Variants in DENND1A observed in about 807,000 individuals in gnomAD.
DENND1A encodes DENN domain containing 1A.
In DENND1A, 51 loss-of-function variants were observed where a neutral mutation model predicts 113.7. The ratio of observed to expected loss-of-function variants is 0.45; its 90% CI spans 0.36 to 0.57. The LOEUF is 0.57. Among genes scored for constraint, DENND1A ranks in the 20% least tolerant of loss-of-function variants. DENND1A has a pLI of 0.00. For synonymous variants in DENND1A, 565 were observed against 570.8 expected, an observed-to-expected ratio of 0.99 and a Z score of 0.14; for missense variants, 1,258 against 1,395.9, an observed-to-expected ratio of 0.90 and a Z score of 1.57.
At chr9:123,476,124 C>T (rs1003466529) in intron 13 of DENND1A, among the ~76,000 whole-genome samples, 9 of 150,958 alleles carry the variant, frequency 6.0e-5, no homozygotes, top group Non-Finnish European at 5.9e-5. Context: ...GTGGAGGCTA[C>T]AGTGAGCTGA....
chr9:123,470,568 C>T (rs2049326861), intron 13 of DENND1A, among the ~76,000 whole-genome samples: 2 of 152,302 alleles, frequency 1.3e-5, no homozygotes, highest in South Asian at 2.1e-4. Context: ...CAGAATCTAT[C>T]TGAAACGCAA....
chr9:123,603,473 A>C (rs1023527456), intron 11 of DENND1A, among the ~76,000 whole-genome samples: 1 of 152,144 alleles, frequency 6.6e-6, no homozygotes, highest in Non-Finnish European at 1.5e-5. Context: ...GTGCTGTTTT[A>C]AGCACTTGTA....
chr9:123,431,604 C>T (rs1180112971), intron 19 of DENND1A, among the ~76,000 whole-genome samples: 2 of 152,202 alleles, frequency 1.3e-5, no homozygotes, highest in African/African-American at 4.8e-5. Context: ...GACTAAGGCC[C>T]ATTCTCTGTG....
intron 13 of DENND1A, among the ~76,000 whole-genome samples, chr9:123,498,117 T>C (rs2052112592): frequency 6.6e-6 from 1 of 152,238 alleles, no homozygotes; most frequent in Non-Finnish European, 1.5e-5. Context: ...TGTAAAGCCT[T>C]GGGTGAAATA....
chr9:123,588,010 G>A (rs1480463104), intron 11 of DENND1A, among the ~76,000 whole-genome samples: 2 of 152,062 alleles, frequency 1.3e-5, no homozygotes, highest in Non-Finnish European at 2.9e-5. Context: ...GGGCATGGTG[G>A]CTCACACCTG....
intron 10 of DENND1A, among the ~76,000 whole-genome samples, chr9:123,629,278 C>T (rs1220692231): frequency 6.6e-6 from 1 of 152,244 alleles, no homozygotes; most frequent in African/African-American, 2.4e-5. Flanking sequence ...CTCTCAATAT[C>T]CGGCACGCAG....
chr9:123,395,312 C>T (rs1351738282), intron 21 of DENND1A, among the ~76,000 whole-genome samples: 4 of 152,070 alleles, frequency 2.6e-5, no homozygotes, highest in South Asian at 2.1e-4. Flanking sequence ...AAATGGGTCC[C>T]GTGTCTTCCG....
At chr9:123,596,193 G>A (rs923716722) in intron 11 of DENND1A, among the ~76,000 whole-genome samples, 5 of 152,150 alleles carry the variant, frequency 3.3e-5, no homozygotes, top group African/African-American at 4.8e-5. Context: ...TCCTATCCCC[G>A]CCTCAGGTTG....
intron 1 of DENND1A, among the ~76,000 whole-genome samples, chr9:123,924,306 G>T (rs1856734414): frequency 6.6e-6 from 1 of 152,290 alleles, no homozygotes; most frequent in African/African-American, 2.4e-5. Context: ...TCTTTCTGGG[G>T]TGATGAAAAA....
At chr9:123,394,518 C>T (rs907887839) in intron 21 of DENND1A, among the ~76,000 whole-genome samples, 7 of 152,220 alleles carry the variant, frequency 4.6e-5, no homozygotes, top group Admixed American at 2.0e-4. Flanking sequence ...GGCTGCCCAT[C>T]CCCCTCTCTT....
chr9:123,551,982 AGAGAGAGAGCGAGAGAGAGC>A (rs201646368), intron 13 of DENND1A, among the ~76,000 whole-genome samples: 1 of 151,294 alleles, frequency 6.6e-6, no homozygotes, highest in East Asian at 1.9e-4. Flanking sequence ...ATTAGGAAAG[AGAGAGAGAGCGAGAGAGAGC>A]GAGAGAGAGC....
chr9:123,915,953 A>G (rs1369958880), intron 1 of DENND1A, among the ~76,000 whole-genome samples: 2 of 152,170 alleles, frequency 1.3e-5, no homozygotes, highest in Non-Finnish European at 2.9e-5. Flanking sequence ...AATTGGCACA[A>G]TCTCTATGGA....
intron 23 of DENND1A, among the ~76,000 whole-genome samples, chr9:123,382,912 G>A (rs1375180095): frequency 1.3e-5 from 2 of 151,886 alleles, no homozygotes; most frequent in African/African-American, 4.9e-5. Flanking sequence ...CTACCGGCTG[G>A]CCCTTTTTAC....
chr9:123,385,706 C>T (rs1170387499), intron 22 of DENND1A, among the ~76,000 whole-genome samples: 1 of 152,198 alleles, frequency 6.6e-6, no homozygotes, highest in Non-Finnish European at 1.5e-5. Flanking sequence ...GTCGGACTTA[C>T]ACCCCCACCT....
chr9:123,908,826 G>C (rs1357952088), intron 1 of DENND1A, among the ~76,000 whole-genome samples: 2 of 152,200 alleles, frequency 1.3e-5, no homozygotes, highest in Admixed American at 6.5e-5. Flanking sequence ...AACACCATTC[G>C]ACCCAGCCAT....
chr9:123,485,130 G>A (rs766628915), intron 13 of DENND1A, among the ~76,000 whole-genome samples: 2 of 152,224 alleles, frequency 1.3e-5, no homozygotes, highest in Non-Finnish European at 1.5e-5. Context: ...AGTGTTGGGG[G>A]AGCAGAGCCT....
At chr9:123,852,462 CTATT>C (rs1843526971) in intron 2 of DENND1A, among the ~76,000 whole-genome samples, 2 of 152,274 alleles carry the variant, frequency 1.3e-5, no homozygotes, top group African/African-American at 4.8e-5. Flanking sequence ...TACTGGTTGA[CTATT>C]TATTTCCCTC....
chr9:123,874,186 T>C (rs1588033470), intron 2 of DENND1A, among the ~76,000 whole-genome samples: 1 of 91,782 alleles, frequency 1.1e-5, no homozygotes, highest in Admixed American at 1.1e-4. Context: ...CATCTCTACA[T>C]AAAATTTAAA....
At chr9:123,849,373 C>T (rs1260434504) in intron 2 of DENND1A, among the ~76,000 whole-genome samples, 1 of 152,196 alleles carries the variant, frequency 6.6e-6, no homozygotes, top group Non-Finnish European at 1.5e-5. Context: ...GATGCCAGCA[C>T]ATCATTTTAT....
Sources: gnomAD v4.1 joint callset for allele counts (sites outside exome capture counted in the v4.1 genomes callset) on GRCh38, gnomAD v4.1.1 for gene constraint, MANE v1.5 for transcripts, NCBI Gene and HGNC (gene_info 2026-07-23, HGNC 2026-07-21) for gene names.